Variants in SPHKAP observed in about 807,000 individuals in gnomAD.
The protein encoded by SPHKAP is A-kinase anchor protein SPHKAP.
A neutral mutation model predicts 137.5 loss-of-function variants in SPHKAP; 67 were observed. The observed-to-expected ratio is 0.49, with a 90% confidence interval of 0.40 to 0.60. The LOEUF (loss-of-function observed/expected upper bound fraction) is 0.60. SPHKAP is among the 20% of genes least tolerant of loss of function. The pLI is 0.00. For missense variants in SPHKAP, 2,097 were observed against 2,069.3 expected, an observed-to-expected ratio of 1.01 and a Z score of -0.26; for synonymous variants, 813 against 785.3, an observed-to-expected ratio of 1.04 and a Z score of -0.59.
chr2:227,990,833 T>C, intron 11 of SPHKAP, 167 bp downstream of exon 11: 2 of 692,132 alleles, frequency 2.9e-6, no homozygotes, highest in Non-Finnish European at 4.7e-6. Flanking sequence ...CTAAGTATAT[T>C]ATATTTACAC....
rs1406728627 is a variant in SPHKAP at position 228,018,746 on chromosome 2, T to C, written c.2108A>G (p.Asp703Gly). Residue 703 changes from aspartate (D) to glycine (G), a missense_variant, in exon 7 of 12, where the codon GAC becomes GGC. Asp to Gly is a moderately conservative substitution (Grantham distance 94). Coordinates refer to ENST00000392056, the MANE Select transcript of SPHKAP (RefSeq NM_001142644.2). ...NDNRHSSEILDTLMESTNQLL... is the reference protein window; with the variant it reads ...NDNRHSSEILGTLMESTNQLL... ...TTGATTTGTACTTTCCATTAAGGTG[T>C]CCAGAATTTCAGATGAATGCCTGTT... is the stretch of plus-strand genomic sequence containing the variant. The C allele has an allele frequency of 2.5e-6, 4 of 1,614,086 alleles. No homozygotes were observed. In the Admixed American group the frequency reaches 6.7e-5, roughly 27 times the overall value.
At chr2:228,073,216 T>C (rs955442060) in intron 3 of SPHKAP, among the ~76,000 whole-genome samples, 1 of 152,172 alleles carries the variant, frequency 6.6e-6, no homozygotes, top group Admixed American at 6.5e-5. Flanking sequence ...CTCCTGATGA[T>C]GTAAGGAGGG....
chr2:228,017,133 C>A lies in SPHKAP; in HGVS notation c.3721G>T (p.Asp1241Tyr). 4 of 1,614,030 alleles carry A rather than the reference C, an allele frequency of 2.5e-6. No homozygotes were observed. The highest frequency in any genetic ancestry group is 3.4e-6 in the Non-Finnish European group (4 of 1,180,018). The change falls in exon 7 of 12, where the codon GAC (aspartate) becomes TAC (tyrosine). Residue 1241 changes from aspartate to tyrosine, a missense_variant. Transcript: ENST00000392056. The stretch of plus-strand genomic sequence containing the variant: ...AGCCTGGAGCATGGGGATCTGCTGT[C>A]TGGCATGGACGACTGTCTGTGGCAC... ...PVCHRQSSMP[D>Y]SRSPCSRLTV...
At position 228,027,556 on chromosome 2, in the gene SPHKAP, G is replaced by A; in HGVS notation, c.247-13C>T. On this transcript the variant is annotated splice_polypyrimidine_tract_variant and intron_variant, in intron 3 of 11. Transcript: ENST00000392056. ...TCACAAAGCAGACCTGGGAAAAGAG[G>A]GCAAAAATAGTACGTTAAAGTCAAA... The A allele has an allele frequency of 6.2e-7, 1 of 1,613,064 alleles. No individual in the cohort carries two copies. Among genetic ancestry groups the A allele is most frequent in the East Asian group, 2.2e-5 (1 of 44,860 alleles).
Position 228,098,626 on chromosome 2 carries a change from G to T in SPHKAP, c.246+10206C>A, listed in dbSNP as rs184327773. Reference sequence around the variant, plus strand: ...AGGGCCTGTTGTGGGGTGGTGGGGTGGGGGAGGGATAGCATTAGGAGATAT... The same window carrying T: ...AGGGCCTGTTGTGGGGTGGTGGGGTTGGGGAGGGATAGCATTAGGAGATAT... On this transcript the variant is annotated intron_variant, in intron 3 of 11. Transcript: ENST00000392056. Among the ~76,000 whole-genome samples the T allele has an allele frequency of 2.0e-4, 30 of 152,222 alleles. 1 individual carries two copies. Among genetic ancestry groups the T allele is most frequent in the Admixed American group, 1.4e-3 (22 of 15,292 alleles).
chr2:228,046,291 CTTT>C (rs58510792), intron 3 of SPHKAP, among the ~76,000 whole-genome samples: 11 of 82,528 alleles, frequency 1.3e-4, no homozygotes, highest in South Asian at 5.1e-4. Context: ...TGTTGTTATT[CTTT>C]TTTTTTTTTT....
At chr2:228,048,126 C>T (rs927104243) in intron 3 of SPHKAP, among the ~76,000 whole-genome samples, 3 of 152,104 alleles carry the variant, frequency 2.0e-5, no homozygotes, top group Admixed American at 1.3e-4. Flanking sequence ...GAAGGGGACA[C>T]CATGCTCCTT....
chr2:227,987,360 T>A (rs1693250563), intron 11 of SPHKAP, among the ~76,000 whole-genome samples: 1 of 152,196 alleles, frequency 6.6e-6, no homozygotes, highest in Non-Finnish European at 1.5e-5. Flanking sequence ...CTATTTACAA[T>A]CTGAGCTTCT....
rs373052409 is a variant in SPHKAP, at chr2:228,162,542, G to C, written c.32+19025C>G. The stretch of plus-strand genomic sequence containing the variant: ...AAAAGTTGTCAACATGCAATGAAAA[G>C]TGTTCAATGAAATTAGTTGTTAATA... On this transcript the variant is annotated intron_variant, in intron 1 of 11. Transcript: ENST00000392056. Among the ~76,000 whole-genome samples the C allele has an allele frequency of 3.3e-5, 5 of 152,254 alleles. No individual in the cohort carries two copies. In the South Asian group the frequency reaches 8.3e-4, roughly 25 times the overall value.
intron 3 of SPHKAP, among the ~76,000 whole-genome samples, chr2:228,092,459 T>A (rs867395311): frequency 0.14 from 6,520 of 47,812 alleles, 370 homozygotes; most frequent in African/African-American, 0.16. Flanking sequence ...TATGTATACA[T>A]ATATGTGCCA....
intron 3 of SPHKAP, among the ~76,000 whole-genome samples, chr2:228,070,997 G>A (rs1312481331): frequency 6.6e-6 from 1 of 152,064 alleles, no homozygotes. Flanking sequence ...GTCCCTTATT[G>A]GCAAGGTACA....
intron 3 of SPHKAP, among the ~76,000 whole-genome samples, chr2:228,055,041 C>G (rs759118411): frequency 3.6e-4 from 53 of 148,586 alleles, no homozygotes; most frequent in Non-Finnish European, 2.5e-4. Flanking sequence ...ACTCAGGAGG[C>G]TGAGGCAGGA....
intron 1 of SPHKAP, among the ~76,000 whole-genome samples, chr2:228,152,711 T>A (rs1699972705): frequency 7.3e-6 from 1 of 136,320 alleles, no homozygotes; most frequent in African/African-American, 2.5e-5. Context: ...GTGTGGAAGT[T>A]ATACCTTCTT....
At chr2:228,143,489 T>TTTTTAA (rs1444939695) in intron 1 of SPHKAP, among the ~76,000 whole-genome samples, 1 of 151,912 alleles carries the variant, frequency 6.6e-6, no homozygotes, top group Non-Finnish European at 1.5e-5. Context: ...TTTATTTTTA[T>TTTTTAA]TTTTAATTTT....
At chr2:227,992,406 G>C (rs1027200668) in intron 9 of SPHKAP, among the ~76,000 whole-genome samples, 2 of 152,206 alleles carry the variant, frequency 1.3e-5, no homozygotes, top group Non-Finnish European at 2.9e-5. Context: ...AGTTTCTGCT[G>C]TTTTGGAGCT....
intron 1 of SPHKAP, among the ~76,000 whole-genome samples, chr2:228,136,335 A>C (rs1262871363): frequency 2.6e-5 from 4 of 152,242 alleles, no homozygotes; most frequent in Non-Finnish European, 1.5e-5. Flanking sequence ...GTACATAAAC[A>C]TGGGAAAGAA....
rs1694999597 is a variant in SPHKAP at position 228,025,514 on chromosome 2, A to G, written c.321T>C (p.Val107=). The G allele has an allele frequency of 6.2e-7, 1 of 1,613,672 alleles. No homozygotes were observed. The highest frequency in any genetic ancestry group is 2.2e-5 in the East Asian group (1 of 44,798). Residue 107 remains valine, a synonymous_variant, in exon 5 of 12, where the codon GTT becomes GTC. Transcript: ENST00000392056. ...TGATAAGTTTTGGAAGATCTGGTGA[A>G]ACGTTGACCAGTTTCTGTAAAGCAA... ...TEHLQQKLVN[V]SPDLPKLISS...
At chr2:228,034,296 C>G (rs1695483960) in intron 3 of SPHKAP, among the ~76,000 whole-genome samples, 1 of 152,288 alleles carries the variant, frequency 6.6e-6, no homozygotes, top group East Asian at 1.9e-4. Flanking sequence ...TGGATAAATT[C>G]CTCGACATAT....
intron 1 of SPHKAP, among the ~76,000 whole-genome samples, chr2:228,177,577 G>C (rs1700780320): frequency 6.6e-6 from 1 of 152,132 alleles, no homozygotes; most frequent in Non-Finnish European, 1.5e-5. Flanking sequence ...ATCTCCTTTT[G>C]TGCAAATCTA....
Sources: gnomAD v4.1 joint callset for allele counts (sites outside exome capture counted in the v4.1 genomes callset) on GRCh38, gnomAD v4.1.1 for gene constraint, MANE v1.5 for transcripts, NCBI Gene and HGNC (gene_info 2026-07-23, HGNC 2026-07-21) for gene names.